GPRIN3: variants seen among roughly 807,000 people sequenced by gnomAD.
GPRIN3 encodes G protein-regulated inducer of neurite outgrowth 3.
GPRIN3 carries 12 observed loss-of-function variants against 13.7 expected under a neutral mutation model. The observed-to-expected ratio is 0.87, with a 90% CI of 0.56 to 1.42. The LOEUF (loss-of-function observed/expected upper bound fraction) is 1.42, where lower values mean the gene tolerates loss of function less well. Ranked by LOEUF, GPRIN3 falls within the 40% of genes most tolerant of loss-of-function variation. The pLI is 0.00. For synonymous variants in GPRIN3, 377 were observed against 372.7 expected (o/e 1.01, Z -0.13); for missense variants, 1,009 against 958.7 (o/e 1.05, Z -0.69).
intron 1 of GPRIN3, among the ~76,000 whole-genome samples, chr4:89,251,785 G>A (rs994443869): frequency 1.1e-4 from 17 of 152,148 alleles, no homozygotes; most frequent in Non-Finnish European, 2.4e-4. Flanking sequence ...AGATATGTCT[G>A]TGTATGATTA....
Position 89,249,673 on chromosome 4 carries a change from G to A in GPRIN3, c.438C>T (p.Ile146=). Residue 146 remains isoleucine (I), a synonymous_variant, in exon 2 of 2, where the codon ATC becomes ATT. Coordinates refer to ENST00000609438, the MANE Select transcript of GPRIN3 (RefSeq NM_198281.3). ...QSIPGDQPNA[I]TSSMPEDSLM... ...GGGAATCTTCAGGCATGGATGAGGTGATGGCATTGGGCTGATCACCTGGGA... is the reference window on the plus strand; with the variant it reads ...GGGAATCTTCAGGCATGGATGAGGTAATGGCATTGGGCTGATCACCTGGGA... 1 of 1,614,176 alleles carries A rather than the reference G, an allele frequency of 6.2e-7. No homozygotes were observed.
chr4:89,264,555 C>A (rs185204158), intron 1 of GPRIN3, among the ~76,000 whole-genome samples: 34 of 152,212 alleles, frequency 2.2e-4, no homozygotes, highest in African/African-American at 8.2e-4. Context: ...GAGTTCTAGG[C>A]AGAGGGTGCA....
intron 1 of GPRIN3, among the ~76,000 whole-genome samples, chr4:89,289,198 T>A (rs1483703304): frequency 6.6e-6 from 1 of 150,920 alleles, no homozygotes; most frequent in Non-Finnish European, 1.5e-5. Flanking sequence ...GCCAGGCATC[T>A]CCCTTTCCTC....
At chr4:89,253,235 T>G (rs1169334719) in intron 1 of GPRIN3, among the ~76,000 whole-genome samples, 1 of 152,200 alleles carries the variant, frequency 6.6e-6, no homozygotes, top group East Asian at 1.9e-4. Flanking sequence ...AAGTTGTTAA[T>G]TGATCCTGTT....
At chr4:89,260,919 G>A (rs1043137088) in intron 1 of GPRIN3, among the ~76,000 whole-genome samples, 1 of 152,102 alleles carries the variant, frequency 6.6e-6, no homozygotes, top group Admixed American at 6.5e-5. Flanking sequence ...CAGATATTCA[G>A]TATACAAATA....
chr4:89,275,594 T>A (rs1157303280), intron 1 of GPRIN3, among the ~76,000 whole-genome samples: 1 of 152,202 alleles, frequency 6.6e-6, no homozygotes, highest in African/African-American at 2.4e-5. Context: ...TTTGGTGCCC[T>A]GGCTAACAAG....
At chr4:89,289,904 A>G (rs1353267148) in intron 1 of GPRIN3, among the ~76,000 whole-genome samples, 2 of 151,952 alleles carry the variant, frequency 1.3e-5, no homozygotes, top group Non-Finnish European at 2.9e-5. Context: ...TGTTCAAATC[A>G]CTTAACCTGG....
At position 89,241,199 on chromosome 4, in the gene GPRIN3, G is replaced by C. The variant is rs778833530; in HGVS notation, c.*6581C>G. 7 of 149,506 alleles carry C rather than the reference G, an allele frequency of 4.7e-5. No individual in the cohort carries two copies. Among genetic ancestry groups the C allele is most frequent in the Non-Finnish European group, 7.4e-5 (5 of 67,834 alleles). The allele number at this position is 149,506 out of a possible 1,614,324, so 9.3% of individuals were successfully genotyped here. A position where few individuals can be genotyped will look rare whatever the true frequency, so the allele number is the denominator to read the frequency against. On this transcript the variant is annotated 3_prime_UTR_variant, in exon 2 of 2. Coordinates refer to ENST00000609438, the MANE Select transcript of GPRIN3 (RefSeq NM_198281.3). ...GTGATAATTATGTTACCTACTCAAG[G>C]AGATGATAAAAAAAAAACACAAATC...
At chr4:89,304,469 T>C (rs1016065009) in intron 1 of GPRIN3, among the ~76,000 whole-genome samples, 1 of 152,194 alleles carries the variant, frequency 6.6e-6, no homozygotes, top group South Asian at 2.1e-4. Context: ...TCTTCTGTTT[T>C]AGTATTTTAT....
intron 1 of GPRIN3, among the ~76,000 whole-genome samples, chr4:89,275,660 AC>A (rs1210512929): frequency 2.0e-5 from 3 of 152,036 alleles, no homozygotes; most frequent in Non-Finnish European, 4.4e-5. Context: ...TCCTCCTTTC[AC>A]CCATTTCCTA....
intron 1 of GPRIN3, among the ~76,000 whole-genome samples, chr4:89,274,163 G>A (rs1038075200): frequency 1.3e-5 from 2 of 152,186 alleles, no homozygotes; most frequent in Middle Eastern, 3.2e-3. Context: ...AATCTAGCAC[G>A]TACAGCAACA....
At chr4:89,285,797 T>C (rs969749537) in intron 1 of GPRIN3, among the ~76,000 whole-genome samples, 10 of 152,202 alleles carry the variant, frequency 6.6e-5, no homozygotes, top group Non-Finnish European at 1.5e-4. Flanking sequence ...AACTGGCTTA[T>C]GAACTGGTGT....
rs551630860 is a variant in GPRIN3, at chr4:89,248,876, C to A, written c.1235G>T (p.Ser412Ile). 37 of 1,614,208 alleles carry A rather than the reference C, an allele frequency of 2.3e-5. No homozygotes were observed. The South Asian group carries it at 3.8e-4, about 17-fold the overall frequency. The change falls in exon 2 of 2, where the codon AGC becomes ATC. Residue 412 changes from serine to isoleucine, a missense_variant. By Grantham distance (142) the Ser-to-Ile change is moderately radical. Transcript: ENST00000609438. ...TAFQRENKLASLPGGVLKTSS... is the reference protein window; with the variant it reads ...TAFQRENKLAILPGGVLKTSS... The stretch of plus-strand genomic sequence containing the variant: ...GGTTTTAAGGACCCCACCTGGTAGG[C>A]TCGCAAGTTTATTTTCCCGTTGGAA...
intron 1 of GPRIN3, among the ~76,000 whole-genome samples, chr4:89,257,771 G>A (rs1257460158): frequency 6.6e-6 from 1 of 152,062 alleles, no homozygotes; most frequent in East Asian, 1.9e-4. Flanking sequence ...AACAGTAACA[G>A]AAAACTCAAA....
At chr4:89,270,872 T>C (rs1723931695) in intron 1 of GPRIN3, among the ~76,000 whole-genome samples, 1 of 151,944 alleles carries the variant, frequency 6.6e-6, no homozygotes, top group South Asian at 2.1e-4. Flanking sequence ...AATTGGAACT[T>C]GGTGCAGCCT....
chr4:89,249,383 C>G lies in GPRIN3; in HGVS notation c.728G>C (p.Gly243Ala), dbSNP rs1274465008. Residue 243 changes from glycine to alanine, a missense_variant, in exon 2 of 2, where the codon GGA becomes GCA. By Grantham distance (60) the Gly-to-Ala change is moderately conservative. Transcript: ENST00000609438. ...AGAGGGCTGCTTGTTCTCTGAACAT[C>G]CAGATTCTCTAGTTAGAGGTTTACA... The part of the protein sequence containing the change: ...RSCKPLTRES[G>A]CSENKQPSVT... 1 of 1,614,014 alleles carries G rather than the reference C, an allele frequency of 6.2e-7. No individual in the cohort carries two copies. Among genetic ancestry groups the G allele is most frequent in the African/African-American group, 1.3e-5 (1 of 74,896 alleles).
chr4:89,296,382 G>A (rs757770008), intron 1 of GPRIN3, among the ~76,000 whole-genome samples: 2 of 152,070 alleles, frequency 1.3e-5, no homozygotes, highest in Non-Finnish European at 2.9e-5. Flanking sequence ...TCCTCCTACC[G>A]AGTACCATTA....
At position 89,238,045 on chromosome 4, in the gene GPRIN3, A is replaced by T. The variant is rs1722829422; in HGVS notation, c.*9735T>A. ...GAGGTTTTAATTTGACCAAGAATAA[A>T]TGTTTAAGTATGCAAGAGTTAGAGA... On this transcript the variant is annotated 3_prime_UTR_variant, in exon 2 of 2. Transcript: ENST00000609438. 6.6e-6 allele frequency: 1 copy of T among 152,144 alleles called. No homozygotes were observed. The highest frequency in any genetic ancestry group is 2.4e-5 in the African/African-American group (1 of 41,438). The allele number at this position is 152,144 out of a possible 1,614,324, so 9.4% of individuals were successfully genotyped here.
rs1723253423 is a variant in GPRIN3 at position 89,249,563 on chromosome 4, T to G, written c.548A>C (p.Asp183Ala). Residue 183 changes from aspartate (D) to alanine (A), a missense_variant, in exon 2 of 2, where the codon GAT becomes GCT. Transcript: ENST00000609438. ...PVGGVLSSSK[D>A]QVSCEFPSPE... The stretch of plus-strand genomic sequence containing the variant: ...AGAAGGAAACTCACAGGACACCTGA[T>G]CTTTGCTGCTACTGAGGACGCCTCC... 1 of 1,614,132 alleles carries G rather than the reference T, an allele frequency of 6.2e-7. No homozygotes were observed. Among genetic ancestry groups the G allele is most frequent in the Non-Finnish European group, 8.5e-7 (1 of 1,180,016 alleles).
Sources: allele counts gnomAD v4.1 joint callset (sites outside exome capture counted in the v4.1 genomes callset), GRCh38; gene constraint gnomAD v4.1.1; transcripts MANE v1.5; gene names NCBI Gene and HGNC (gene_info 2026-07-23, HGNC 2026-07-21).